GOLGA2: variants seen among roughly 807,000 people sequenced by gnomAD.
GOLGA2 encodes golgin subfamily A member 2.
Under a neutral mutation model 148.8 loss-of-function variants are expected in GOLGA2, and 49 were observed. The observed-to-expected ratio is 0.33, with a 90% confidence interval of 0.26 to 0.42. The LOEUF is 0.42. Among genes scored for constraint, GOLGA2 ranks in the 10% least tolerant of loss-of-function variants. The pLI is 1.00. For missense variants in GOLGA2, 1,178 were observed against 1,304.6 expected, an observed-to-expected ratio of 0.90 and a Z score of 1.49; for synonymous variants, 501 against 511.8, an observed-to-expected ratio of 0.98 and a Z score of 0.28.
At position 128,259,066 on chromosome 9, in the gene GOLGA2, G is replaced by T; in HGVS notation, c.2114C>A (p.Ala705Asp). 1 of 1,611,632 alleles carries T rather than the reference G, an allele frequency of 6.2e-7. No homozygotes were observed. ...CCGTAGCTGCTGATTCTGCTGGGTG[G>T]CAGCTTCCAGGCGCTCCTAAGGGGC... is the stretch of plus-strand genomic sequence containing the variant. ...LQETQERLEA[A>D]TQQNQQLRAQ... The change falls in exon 21 of 27, where the codon GCC becomes GAC. Residue 705 changes from alanine to aspartate, a missense_variant. This residue lies in a region of GOLGA2 where 529 missense variants were observed against 521.8 expected (regional missense o/e 1.01). Coordinates refer to ENST00000611957, the MANE Select transcript of GOLGA2 (RefSeq NM_001366244.2).
intron 6 of GOLGA2, among the ~76,000 whole-genome samples, chr9:128,267,730 A>T (rs1830680182): frequency 6.6e-6 from 1 of 152,188 alleles, no homozygotes; most frequent in South Asian, 2.1e-4. Flanking sequence ...GCAGCAGGAT[A>T]CAATGATGCA....
intron 3 of GOLGA2, among the ~76,000 whole-genome samples, chr9:128,272,053 A>C (rs916505774): frequency 6.6e-6 from 1 of 151,554 alleles, no homozygotes; most frequent in Non-Finnish European, 1.5e-5. Context: ...AAAAAAAAAA[A>C]AAACACTAAC....
Position 128,258,535 on chromosome 9 carries a change from C to G in GOLGA2, c.2209G>C (p.Glu737Gln). 6.3e-7 allele frequency: 1 copy of G among 1,585,814 alleles called. No homozygotes were observed. The highest frequency in any genetic ancestry group is 1.2e-5 in the South Asian group (1 of 86,834). ...GLDREEEEDE[E>Q]EEEEEAVAVP... Reference sequence around the variant, plus strand: ...GCCACCGCCTCCTCCTCCTCCTCCTCCTCATCCTCCTCCTCCTCCCGGTCC... The same window carrying G: ...GCCACCGCCTCCTCCTCCTCCTCCTGCTCATCCTCCTCCTCCTCCCGGTCC... Residue 737 changes from glutamate to glutamine, a missense_variant, in exon 22 of 27, where the codon GAG becomes CAG. This residue lies in a region of GOLGA2 where 529 missense variants were observed against 521.8 expected (regional missense o/e 1.01). Transcript: ENST00000611957. The surrounding 1 kb of genome is among the most constrained non-coding windows in gnomAD (Gnocchi z 6.6).
In GOLGA2 at chr9:128,266,926, T is replaced by C; in HGVS notation, c.642+268A>G. The C allele has an allele frequency of 1.8e-6, 1 of 560,136 alleles. No individual in the cohort carries two copies. Among genetic ancestry groups the C allele is most frequent in the South Asian group, 2.1e-5 (1 of 48,252 alleles). The allele number at this position is 560,136 out of a possible 1,614,324, so 34.7% of individuals were successfully genotyped here. ...TCCTGACAACCAGTCAGGCTAGCGC[T>C]TCCCCAAGAGGCAACAACCCCAGGG... On this transcript the variant is annotated intron_variant, in intron 8 of 26. Transcript: ENST00000611957. This position sits in a 1 kb window ranked among gnomAD's most constrained non-coding sequence, Gnocchi z 4.2.
chr9:128,266,505 T>C lies in GOLGA2; in HGVS notation c.643-180A>G. 1.6e-6 allele frequency: 1 copy of C among 618,552 alleles called. No individual in the cohort carries two copies. 38.3% of individuals were successfully genotyped at this position (618,552 alleles called of 1,614,324 possible). On this transcript the variant is annotated intron_variant, in intron 8 of 26. Transcript: ENST00000611957. This position sits in a 1 kb window ranked among gnomAD's most constrained non-coding sequence, Gnocchi z 4.2. ...CAAGGAAAGGGGATTTGTGTCTTTG[T>C]TGGTTTTTGCCCACAGCCACAGAAC...
rs968448126 is a variant in GOLGA2 at position 128,257,422 on chromosome 9, G to C, written c.2822C>G (p.Pro941Arg). 6.2e-7 allele frequency: 1 copy of C among 1,612,920 alleles called. No individual in the cohort carries two copies. Among genetic ancestry groups the C allele is most frequent in the Non-Finnish European group, 8.5e-7 (1 of 1,180,022 alleles). Residue 941 changes from proline (P) to arginine (R), a missense_variant, in exon 26 of 27, where the codon CCC becomes CGC. Transcript: ENST00000611957. This position sits in a 1 kb window ranked among gnomAD's most constrained non-coding sequence, Gnocchi z 8.0. Reference sequence around the variant, plus strand: ...CTGGGGGGCTGGGGCCCCTGAAGTGGGCTCATCAGCAGGGTTCTGGGCAGC... The same window carrying C: ...CTGGGGGGCTGGGGCCCCTGAAGTGCGCTCATCAGCAGGGTTCTGGGCAGC... ...LAAAQNPADEPTSGAPAPQEL... is the reference protein window; with the variant it reads ...LAAAQNPADERTSGAPAPQEL...
rs1006064597 is a variant in GOLGA2, at chr9:128,256,512, T to A, written c.*555A>T. 1 of 140,472 alleles carries A rather than the reference T, an allele frequency of 7.1e-6. No homozygotes were observed. The allele number at this position is 140,472 out of a possible 1,614,324, so 8.7% of individuals were successfully genotyped here. On this transcript the variant is annotated 3_prime_UTR_variant, in exon 27 of 27. Transcript: ENST00000611957. ...TTCTTTAATCCCATAACTTTTTTCATAATTTTTTTTTTTTTTGAGACAGAG... is the reference window on the plus strand; with the variant it reads ...TTCTTTAATCCCATAACTTTTTTCAAAATTTTTTTTTTTTTTGAGACAGAG...
rs537382979 is a variant in GOLGA2 at position 128,260,551 on chromosome 9, C to G, written c.1672G>C (p.Asp558His). Residue 558 changes from aspartate (D) to histidine (H), a missense_variant, in exon 18 of 27, where the codon GAC (aspartate) becomes CAC (histidine). Around this residue, in one of 5 missense-constraint regions of GOLGA2, gnomAD observed 529 missense variants for 521.8 expected, o/e 1.01. Coordinates refer to ENST00000611957, the MANE Select transcript of GOLGA2 (RefSeq NM_001366244.2). The surrounding 1 kb of genome is among the most constrained non-coding windows in gnomAD (Gnocchi z 4.8). ...AGTGCGCGGCTGATGGTAGTGCGGT[C>G]GTTCTGCATGGTCTCCAGGATTTGC... ...RRQILETMQN[D>H]RTTISRALSQ... is the part of the protein sequence containing the mutation. 1 of 1,612,890 alleles carries G rather than the reference C, an allele frequency of 6.2e-7. No homozygotes were observed. The highest frequency in any genetic ancestry group is 1.7e-5 in the Admixed American group (1 of 60,006).
intron 12 of GOLGA2, among the ~76,000 whole-genome samples, chr9:128,264,690 A>C (rs981851639): frequency 2.6e-5 from 4 of 151,822 alleles, no homozygotes; most frequent in African/African-American, 9.7e-5. Context: ...GGCCTCCCAA[A>C]GTGCTGGGAT....
intron 12 of GOLGA2, 48 bp downstream of exon 12, chr9:128,265,537 A>T: frequency 7.4e-7 from 1 of 1,356,144 alleles, no homozygotes; most frequent in Non-Finnish European, 1.1e-6. Context: ...TCACTCCTCC[A>T]TCTGGGAAGC....
intron 12 of GOLGA2, among the ~76,000 whole-genome samples, chr9:128,264,575 C>G (rs12343744): frequency 6.6e-6 from 1 of 151,942 alleles, no homozygotes. Context: ...TACAGGGGCA[C>G]GCCACCACAC....
intron 19 of GOLGA2, among the ~76,000 whole-genome samples, 188 bp from the exon 20 acceptor site, chr9:128,259,579 C>G (rs1830126954): frequency 6.6e-6 from 1 of 152,244 alleles, no homozygotes; most frequent in Non-Finnish European, 1.5e-5. Context: ...ATCCTTCTTC[C>G]CACCATTTAA....
Position 128,257,087 on chromosome 9 carries a change from C to T in GOLGA2, c.3070G>A (p.Val1024Met), listed in dbSNP as rs544365915. The change falls in exon 27 of 27, where the codon GTG becomes ATG. Residue 1024 changes from valine (V) to methionine (M), a missense_variant. This residue lies in a region of GOLGA2 where 149 missense variants were observed against 154.9 expected (regional missense o/e 0.96). Transcript: ENST00000611957. This position sits in a 1 kb window ranked among gnomAD's most constrained non-coding sequence, Gnocchi z 8.0. ...FFYRADENDE[V>M]KITVI ...GGCTTTTAGATGACAGTGATCTTCA[C>T]CTCATCATTCTCGTCAGCCCGGTAA... is the stretch of plus-strand genomic sequence containing the variant. The T allele has an allele frequency of 6.2e-7, 1 of 1,612,148 alleles. No homozygotes were observed. Among genetic ancestry groups the T allele is most frequent in the South Asian group, 1.1e-5 (1 of 91,012 alleles).
rs1378639117 is a variant in GOLGA2, at chr9:128,265,691, C to G, written c.827G>C (p.Gly276Ala). Residue 276 changes from glycine to alanine, a missense_variant and splice_region_variant, in exon 12 of 27, where the codon GGA (glycine) becomes GCA (alanine). By Grantham distance (60) the Gly-to-Ala change is moderately conservative. Transcript: ENST00000611957. ...GCGGCTGGCCAGATCTTCAGACTCT[C>G]CTGGAATGAGAGAGGTTGAGATGGG... The part of the protein sequence containing the change: ...HTQHAARQKE[G>A]ESEDLASRLQ... 6.2e-7 allele frequency: 1 copy of G among 1,613,806 alleles called. No homozygotes were observed. The highest frequency in any genetic ancestry group is 1.7e-5 in the Admixed American group (1 of 60,012).
intron 1 of GOLGA2, among the ~76,000 whole-genome samples, chr9:128,274,414 G>A (rs1268501564): frequency 2.6e-5 from 4 of 152,238 alleles, no homozygotes; most frequent in Admixed American, 1.3e-4. Flanking sequence ...AGTCAAGCCT[G>A]GAGTCCCAGC....
chr9:128,269,717 A>C (rs1188292480), intron 3 of GOLGA2, among the ~76,000 whole-genome samples: 1 of 152,200 alleles, frequency 6.6e-6, no homozygotes, highest in African/African-American at 2.4e-5. Flanking sequence ...CAAGAGAAAA[A>C]CACCAGGGAG....
At position 128,261,441 on chromosome 9, in the gene GOLGA2, G is replaced by A; in HGVS notation, c.1332+13C>T. On this transcript the variant is annotated intron_variant, in intron 16 of 26. Transcript: ENST00000611957. This position sits in a 1 kb window ranked among gnomAD's most constrained non-coding sequence, Gnocchi z 5.7. ...ATCTAAGGTTGAGGGGGAGCTGAAG[G>A]GTCAGGTCTCACCTGCTCTGACATC... 1.4e-6 allele frequency: 2 copies of A among 1,458,050 alleles called. No homozygotes were observed. Among genetic ancestry groups the A allele is most frequent in the Non-Finnish European group, 1.9e-6 (2 of 1,037,376 alleles). The allele number at this position is 1,458,050 out of a possible 1,614,324, so 90.3% of individuals were successfully genotyped here. A position where few individuals can be genotyped will look rare whatever the true frequency, so the allele number is the denominator to read the frequency against.
chr9:128,267,909 C>T, intron 6 of GOLGA2, 25 bp downstream of exon 6: 1 of 1,575,938 alleles, frequency 6.3e-7, no homozygotes, highest in Non-Finnish European at 8.7e-7. Context: ...CCCCACCCCG[C>T]TCTCGGCCTC....
rs935738146 is a variant in GOLGA2 at position 128,266,795 on chromosome 9, ACT to A, written c.642+397_642+398del. ...CTCTCAGAGCTAAGAGACCTTTGAT[ACT>A]CTCTAACTCTACCTCCTCAGGAAAT... is the stretch of plus-strand genomic sequence containing the variant. On this transcript the variant is annotated intron_variant, in intron 8 of 26. Transcript: ENST00000611957. This position sits in a 1 kb window ranked among gnomAD's most constrained non-coding sequence, Gnocchi z 4.2. 14 of 352,160 alleles carry A rather than the reference ACT, an allele frequency of 4.0e-5. No homozygotes were observed. In the Admixed American group the frequency reaches 5.9e-4, roughly 15 times the overall value. 21.8% of individuals were successfully genotyped at this position (352,160 alleles called of 1,614,324 possible). A position where few individuals can be genotyped will look rare whatever the true frequency, so the allele number is the denominator to read the frequency against.
Sources: gnomAD v4.1 joint callset for allele counts (sites outside exome capture counted in the v4.1 genomes callset) on GRCh38, gnomAD v4.1.1 for gene constraint, gnomAD v4.1.1 regional missense constraint, Gnocchi (gnomAD v3.1) non-coding constraint, MANE v1.5 for transcripts, NCBI Gene and HGNC (gene_info 2026-07-23, HGNC 2026-07-21) for gene names.